The following SLC75A1 variants were observed in gnomAD, a reference collection of about 807,000 sequenced individuals.
SLC75A1 encodes the protein major facilitator superfamily domain containing 10.
At chr4:2,932,568 C>G in the SLC75A1 span, 3 of 1,612,274 alleles carry the variant, frequency 1.9e-6, no homozygotes, top group African/African-American at 4.0e-5. Context: ...AAGTCACCAC[C>G]AGGACCCCAA....
chr4:2,934,290 T>G, the SLC75A1 span: 1 of 255,352 alleles, frequency 3.9e-6, no homozygotes, highest in Non-Finnish European at 7.7e-6. Context: ...CGGATCCCGA[T>G]CCCGATCCCG....
chr4:2,932,467 T>C, the SLC75A1 span: 2 of 1,613,384 alleles, frequency 1.2e-6, no homozygotes, highest in Non-Finnish European at 1.7e-6. Context: ...GCTCCGAGCA[T>C]AGGGCCCAGG....
At chr4:2,932,071 C>A in the SLC75A1 span, 1 of 1,610,862 alleles carries the variant, frequency 6.2e-7, no homozygotes, top group Non-Finnish European at 8.5e-7. Flanking sequence ...GTCCTGGCCA[C>A]GAGCGACAGC....
the SLC75A1 span, chr4:2,930,885 G>C: frequency 2.0e-5 from 33 of 1,613,114 alleles, no homozygotes; most frequent in Non-Finnish European, 2.6e-5. Flanking sequence ...TTCTGCAGGA[G>C]GAAGAAGGGG....
At chr4:2,933,864 C>G in the SLC75A1 span, 13 of 1,584,834 alleles carry the variant, frequency 8.2e-6, no homozygotes, top group Middle Eastern at 9.0e-4. Context: ...CGCGGCGCTC[C>G]GGCGGCTGCT....
chr4:2,933,689 G>C, the SLC75A1 span: 7 of 1,612,706 alleles, frequency 4.3e-6, no homozygotes, highest in East Asian at 1.3e-4. Flanking sequence ...TCACGATAAG[G>C]GCTGGGGAGG....
At chr4:2,932,050 C>G in the SLC75A1 span, 3 of 1,611,028 alleles carry the variant, frequency 1.9e-6, no homozygotes. Flanking sequence ...CTTACTGTCT[C>G]CAGAGGGTGG....
the SLC75A1 span, chr4:2,934,638 C>G: frequency 2.1e-5 from 2 of 95,778 alleles, no homozygotes; most frequent in African/African-American, 8.4e-5. Context: ...ACCCTGCGCA[C>G]CTCTCACCCG....
At chr4:2,930,975 A>T in the SLC75A1 span, 1 of 1,612,820 alleles carries the variant, frequency 6.2e-7, no homozygotes, top group Non-Finnish European at 8.5e-7. Context: ...CGGTGGCGTC[A>T]CCCAGTCCCC....
the SLC75A1 span, chr4:2,932,883 C>G: frequency 3.9e-6 from 5 of 1,284,950 alleles, no homozygotes; most frequent in Non-Finnish European, 5.2e-6. Context: ...CTGAGGGCCA[C>G]TTGCGTTCTC....
the SLC75A1 span, chr4:2,932,824 G>A: frequency 6.6e-7 from 1 of 1,511,106 alleles, no homozygotes; most frequent in Non-Finnish European, 8.8e-7. Flanking sequence ...TCAGAGTAGG[G>A]CTTGGCAACC....
At chr4:2,933,608 C>T in the SLC75A1 span, 2 of 1,613,624 alleles carry the variant, frequency 1.2e-6, no homozygotes, top group South Asian at 2.2e-5. Context: ...CACTGGCATC[C>T]CGATGGCGGT....
the SLC75A1 span, chr4:2,933,803 G>C: frequency 2.5e-6 from 4 of 1,592,032 alleles, no homozygotes; most frequent in East Asian, 9.1e-5. Context: ...GGCAGCAGCA[G>C]CGTGAAGGCC....
chr4:2,933,796 A>G, the SLC75A1 span: 16 of 1,593,102 alleles, frequency 1.0e-5, no homozygotes, highest in East Asian at 3.4e-4. Flanking sequence ...CAGCAGGGGC[A>G]GCAGCAGCGT....
At chr4:2,931,721 AG>A in the SLC75A1 span, 4 of 1,564,076 alleles carry the variant, frequency 2.6e-6, no homozygotes, top group Non-Finnish European at 2.6e-6. Flanking sequence ...GGGCAGGGCC[AG>A]GGCGAGAGTG....
At chr4:2,930,816 C>G in the SLC75A1 span, 3 of 1,611,684 alleles carry the variant, frequency 1.9e-6, no homozygotes, top group Non-Finnish European at 2.5e-6. Flanking sequence ...CTGGTGCCCA[C>G]AGCCTGGGCA....
the SLC75A1 span, chr4:2,931,708 C>T: frequency 6.3e-7 from 1 of 1,581,512 alleles, no homozygotes; most frequent in Non-Finnish European, 8.6e-7. Context: ...GCAGGGCCAC[C>T]CAGGGCAGGG....
the SLC75A1 span, chr4:2,934,240 C>T: frequency 1.4e-5 from 5 of 359,118 alleles, no homozygotes; most frequent in South Asian, 1.4e-4. Flanking sequence ...CCTCCCACGC[C>T]CTCGTAACAG....
chr4:2,933,761 G>A, the SLC75A1 span: 5 of 1,599,344 alleles, frequency 3.1e-6, no homozygotes, highest in East Asian at 2.3e-5. Flanking sequence ...ACGTGGGCAC[G>A]GCCGTGGCTC....
Sources: gnomAD v4.1 joint callset for allele counts on GRCh38, gnomAD v4.1.1 for gene constraint, MANE v1.5 for transcripts, NCBI Gene and HGNC (gene_info 2026-07-23, HGNC 2026-07-21) for gene names.